HECTD2: variants seen among roughly 807,000 people sequenced by gnomAD.
HECTD2 encodes the protein probable E3 ubiquitin-protein ligase HECTD2.
A neutral mutation model predicts 103.2 loss-of-function variants in HECTD2; 35 were observed. The ratio of observed to expected loss-of-function variants is 0.34; its 90% CI spans 0.26 to 0.45. The LOEUF is 0.45. HECTD2 is among the 20% of genes least tolerant of loss of function. The pLI is 1.00. For missense variants in HECTD2, 596 were observed against 937.4 expected (o/e 0.64, Z 4.76); for synonymous variants, 281 against 329.9 (o/e 0.85, Z 1.61).
chr10:91,452,489 C>T (rs12263089), intron 2 of HECTD2, among the ~76,000 whole-genome samples: 30,515 of 151,924 alleles, frequency 0.2, 7,277 homozygotes, highest in African/African-American at 0.58. Flanking sequence ...GTTGAGAGGT[C>T]GGACCTTTAA....
At chr10:91,411,729 A>C (rs1031772744) in intron 1 of HECTD2, among the ~76,000 whole-genome samples, 2 of 152,272 alleles carry the variant, frequency 1.3e-5, no homozygotes, top group African/African-American at 4.8e-5. Flanking sequence ...CACGTTTAAA[A>C]GCGTAGCTAC....
At chr10:91,436,340 C>T (rs1056154209) in intron 2 of HECTD2, among the ~76,000 whole-genome samples, 2 of 152,000 alleles carry the variant, frequency 1.3e-5, no homozygotes, top group East Asian at 1.9e-4. Flanking sequence ...CCCTGATGTC[C>T]GTGTCTTTAG....
intron 2 of HECTD2, among the ~76,000 whole-genome samples, chr10:91,445,850 G>C (rs1029065605): frequency 6.6e-6 from 1 of 152,092 alleles, no homozygotes; most frequent in Non-Finnish European, 1.5e-5. Context: ...GGTGCACTCC[G>C]GCCCAGATAC....
At chr10:91,479,566 A>T (rs1207758935) in intron 6 of HECTD2, among the ~76,000 whole-genome samples, 2 of 152,164 alleles carry the variant, frequency 1.3e-5, no homozygotes, top group Non-Finnish European at 2.9e-5. Context: ...AATAACTTAG[A>T]ATAGGAATGT....
In HECTD2 at chr10:91,410,572, C is replaced by T. The variant is rs1420984846; in HGVS notation, c.134C>T (p.Thr45Ile). ...ATCGTATCGGCGGGCGCCGGCGCGA[C>T]CGCGGTAGGTGGTGGGCCGGGGCCG... ...PPIVSAGAGA[T>I]AGLDRGAKGQ... Residue 45 changes from threonine (T) to isoleucine (I), a missense_variant, in exon 1 of 21, where the codon ACC becomes ATC. Thr to Ile is a moderately conservative substitution (Grantham distance 89). Around this residue, in one of 4 missense-constraint regions of HECTD2, gnomAD observed 220 missense variants for 233.9 expected, o/e 0.94. Transcript: ENST00000298068. 2.1e-6 allele frequency: 3 copies of T among 1,421,780 alleles called. No homozygotes were observed. The highest frequency in any genetic ancestry group is 2.5e-5 in the Admixed American group (1 of 40,184). The allele number at this position is 1,421,780 out of a possible 1,614,324, so 88.1% of individuals were successfully genotyped here. A position where few individuals can be genotyped will look rare whatever the true frequency, so the allele number is the denominator to read the frequency against.
intron 14 of HECTD2, among the ~76,000 whole-genome samples, chr10:91,495,413 G>T (rs1336597309): frequency 1.3e-5 from 2 of 151,888 alleles, no homozygotes; most frequent in Non-Finnish European, 2.9e-5. Flanking sequence ...AATTTTGGTG[G>T]TCTTCCAATT....
At position 91,487,123 on chromosome 10, in the gene HECTD2, A is replaced by G. The variant is rs1157523083; in HGVS notation, c.1095-559A>G. 6.4e-6 allele frequency: 1 copy of G among 156,126 alleles called. No individual in the cohort carries two copies. The highest frequency in any genetic ancestry group is 1.4e-5 in the Non-Finnish European group (1 of 70,330). The allele number at this position is 156,126 out of a possible 1,614,324, so 9.7% of individuals were successfully genotyped here. A position where few individuals can be genotyped will look rare whatever the true frequency, so the allele number is the denominator to read the frequency against. On this transcript the variant is annotated intron_variant, in intron 10 of 20. Transcript: ENST00000298068. This position sits in a 1 kb window ranked among gnomAD's most constrained non-coding sequence, Gnocchi z 4.1. ...ACCTTTTTATAATGTGTAATTACAA[A>G]TACATACCATTTCCTATTACCACAC...
intron 5 of HECTD2, among the ~76,000 whole-genome samples, chr10:91,467,300 G>A (rs956276755): frequency 2.0e-5 from 3 of 152,080 alleles, no homozygotes; most frequent in Non-Finnish European, 4.4e-5. Context: ...CCTGTGTGGC[G>A]CCCAGATGGT....
chr10:91,496,967 T>C (rs1337957053), intron 15 of HECTD2, among the ~76,000 whole-genome samples: 1 of 148,196 alleles, frequency 6.7e-6, no homozygotes, highest in African/African-American at 2.5e-5. Context: ...AAATCTTTCT[T>C]TTTTTTTTTT....
At chr10:91,445,849 C>T (rs996711538) in intron 2 of HECTD2, among the ~76,000 whole-genome samples, 2 of 152,088 alleles carry the variant, frequency 1.3e-5, no homozygotes, top group African/African-American at 2.4e-5. Context: ...CGGTGCACTC[C>T]GGCCCAGATA....
chr10:91,430,288 TTTACTTCCAAGTATGTGG>T (rs1843787501), intron 2 of HECTD2, among the ~76,000 whole-genome samples: 1 of 152,150 alleles, frequency 6.6e-6, no homozygotes. Context: ...TGAGGAGAGC[TTTACTTCCAAGTATGTGG>T]TCAATTTTGG....
chr10:91,502,971 C>T lies in HECTD2; in HGVS notation c.2210+1637C>T, dbSNP rs563746993. On this transcript the variant is annotated intron_variant, in intron 20 of 20. Transcript: ENST00000298068. Reference sequence around the variant, plus strand: ...TCAATTTGACATAATAATGGTATGCCTCAAAAGACAAGGACAACACTCCAG... The same window carrying T: ...TCAATTTGACATAATAATGGTATGCTTCAAAAGACAAGGACAACACTCCAG... 1.5e-4 allele frequency among the ~76,000 whole-genome samples: 23 copies of T among 152,206 alleles called. No individual in the cohort carries two copies. The South Asian group carries it at 4.8e-3, about 32-fold the overall frequency.
At chr10:91,509,122 T>C (rs191884384) in intron 20 of HECTD2, among the ~76,000 whole-genome samples, 7,863 of 97,606 alleles carry the variant, frequency 0.081, 679 homozygotes, top group African/African-American at 0.24. Context: ...TGGGGACTGT[T>C]GTGGGGTGGG....
chr10:91,433,415 G>C (rs185134164), intron 2 of HECTD2, among the ~76,000 whole-genome samples: 20 of 151,952 alleles, frequency 1.3e-4, no homozygotes, highest in Admixed American at 3.3e-4. Context: ...ACCTTTGGTG[G>C]GTAACTATGT....
chr10:91,499,078 C>T lies in HECTD2; in HGVS notation c.1878C>T (p.Asn626=), dbSNP rs1265420153. 8 of 1,612,686 alleles carry T rather than the reference C, an allele frequency of 5.0e-6. No homozygotes were observed. The highest frequency in any genetic ancestry group is 6.8e-6 in the Non-Finnish European group (8 of 1,179,084). The change falls in exon 18 of 21, where the codon AAC becomes AAT. Residue 626 remains asparagine, a synonymous_variant. Coordinates refer to ENST00000298068, the MANE Select transcript of HECTD2 (RefSeq NM_182765.6). ...YVQLYTDFLL[N]KSIYKQFAAF... Reference sequence around the variant, plus strand: ...AGCTTTATACTGACTTCCTTCTGAACAAATCCATCTATAAGCAGTTTGCTG... The same window carrying T: ...AGCTTTATACTGACTTCCTTCTGAATAAATCCATCTATAAGCAGTTTGCTG...
Position 91,469,658 on chromosome 10 carries a change from G to A in HECTD2, c.600+7474G>A, listed in dbSNP as rs544431090. Among the ~76,000 whole-genome samples, 5 of 152,236 alleles carry A rather than the reference G, an allele frequency of 3.3e-5. No homozygotes were observed. The East Asian group carries it at 9.6e-4, about 29-fold the overall frequency. ...CCGGCTGCCACAAAAACACACTTAA[G>A]CACATAAACTATTGACACTATAAAG... On this transcript the variant is annotated intron_variant, in intron 5 of 20. Coordinates refer to ENST00000298068, the MANE Select transcript of HECTD2 (RefSeq NM_182765.6).
intron 1 of HECTD2, among the ~76,000 whole-genome samples, chr10:91,424,158 A>G (rs1457792364): frequency 5.9e-5 from 9 of 152,120 alleles, no homozygotes; most frequent in Non-Finnish European, 1.3e-4. Context: ...CAGTCGAGGA[A>G]AAGAGAGAAG....
chr10:91,476,363 A>C (rs1845901689), intron 5 of HECTD2, among the ~76,000 whole-genome samples: 2 of 152,136 alleles, frequency 1.3e-5, no homozygotes, highest in Non-Finnish European at 2.9e-5. Context: ...GGAAGCCCAG[A>C]GCTCCAGGAT....
intron 7 of HECTD2, among the ~76,000 whole-genome samples, chr10:91,481,655 A>G (rs1019799174): frequency 1.3e-5 from 2 of 151,720 alleles, no homozygotes; most frequent in Admixed American, 6.6e-5. Flanking sequence ...CTTGATAGAT[A>G]CAGATTAATA....
Sources: allele counts gnomAD v4.1 joint callset (sites outside exome capture counted in the v4.1 genomes callset), GRCh38; gene constraint gnomAD v4.1.1; regional missense constraint gnomAD v4.1.1; non-coding constraint Gnocchi (gnomAD v3.1); transcripts MANE v1.5; gene names NCBI Gene and HGNC (gene_info 2026-07-23, HGNC 2026-07-21).